The following IGLON5 variants were observed in gnomAD, a reference collection of about 807,000 sequenced individuals.
IGLON5 encodes the protein IgLON family member 5.
In IGLON5, 16 loss-of-function variants were observed where a neutral mutation model predicts 38.2. The observed-to-expected ratio is 0.42, with a 90% CI of 0.28 to 0.64. IGLON5 has a LOEUF of 0.64. Ranked by LOEUF, IGLON5 falls within the 30% of genes least tolerant of loss-of-function variation. The pLI, the probability that IGLON5 is intolerant of heterozygous loss-of-function variation, is 0.23. For missense variants in IGLON5, 366 were observed against 483.4 expected, an observed-to-expected ratio of 0.76 and a Z score of 2.28; for synonymous variants, 207 against 216.4, an observed-to-expected ratio of 0.96 and a Z score of 0.38.
rs369347668 is a variant in IGLON5 at position 51,322,017 on chromosome 19, G to A, written c.80-47G>A. On this transcript the variant is annotated intron_variant, in intron 1 of 7. Transcript: ENST00000270642. ...CATGTGTGCAGGTGCTACCATGCCC[G>A]GGCCTTGCCTGAGCTGCCAAGGCTG... The A allele has an allele frequency of 1.4e-5, 21 of 1,494,188 alleles. No homozygotes were observed. The African/African-American group carries it at 2.2e-4, about 16-fold the overall frequency. 92.6% of individuals were successfully genotyped at this position (1,494,188 alleles called of 1,614,324 possible).
intron 4 of IGLON5, 75 bp from the exon 5 acceptor site, chr19:51,326,689 C>G: frequency 1.4e-5 from 14 of 972,932 alleles, no homozygotes; most frequent in Non-Finnish European, 1.9e-5. Context: ...TGATGTGTGT[C>G]CGTGTTGTGC....
At chr19:51,326,550 A>C (rs1198224097) in intron 4 of IGLON5, among the ~76,000 whole-genome samples, 1 of 151,992 alleles carries the variant, frequency 6.6e-6, no homozygotes, top group African/African-American at 2.4e-5. Flanking sequence ...GGTTCCAGGA[A>C]CTGAGTCCCA....
chr19:51,317,959 G>T (rs1169905938), intron 1 of IGLON5, among the ~76,000 whole-genome samples: 1 of 152,272 alleles, frequency 6.6e-6, no homozygotes, highest in Middle Eastern at 3.4e-3. Flanking sequence ...TTATTATCTG[G>T]TCTCTGAGGA....
At chr19:51,326,331 A>G (rs1985214775) in intron 4 of IGLON5, among the ~76,000 whole-genome samples, 1 of 152,092 alleles carries the variant, frequency 6.6e-6, no homozygotes, top group Admixed American at 6.5e-5. Flanking sequence ...GCTGATCCCA[A>G]TCACCAGATC....
At chr19:51,316,718 T>C (rs1984935287) in intron 1 of IGLON5, among the ~76,000 whole-genome samples, 2 of 152,064 alleles carry the variant, frequency 1.3e-5, no homozygotes, top group Admixed American at 1.3e-4. Context: ...AGTCTCGAAC[T>C]CCTGACCTCA....
rs868680750 is a variant in IGLON5, at chr19:51,311,982, T to G, written c.79+56T>G. ...CCGGGACGCCAGGGTCTTGGGTGGG[T>G]AATCGGGGGATCAGGGGTGGGGGTC... On this transcript the variant is annotated intron_variant, in intron 1 of 7. Coordinates refer to ENST00000270642, the MANE Select transcript of IGLON5 (RefSeq NM_001101372.3). 163 of 999,844 alleles carry G rather than the reference T, an allele frequency of 1.6e-4. 1 individual carries two copies. The African/African-American group carries it at 2.5e-3, about 15-fold the overall frequency. 61.9% of individuals were successfully genotyped at this position (999,844 alleles called of 1,614,324 possible).
Position 51,329,093 on chromosome 19 carries a change from C to A in IGLON5, c.*334C>A. The stretch of plus-strand genomic sequence containing the variant: ...GTGTGGGTGTGTGAGTGTGAGCCTG[C>A]ATGCATGTGTAGGTGTCTGTGTCTC... On this transcript the variant is annotated 3_prime_UTR_variant, in exon 8 of 8. Transcript: ENST00000270642. The surrounding 1 kb of genome is among the most constrained non-coding windows in gnomAD (Gnocchi z 4.3). The A allele has an allele frequency of 6.8e-6, 1 of 148,012 alleles. No individual in the cohort carries two copies. The highest frequency in any genetic ancestry group is 2.1e-4 in the East Asian group (1 of 4,770). 9.2% of individuals were successfully genotyped at this position (148,012 alleles called of 1,614,324 possible). A position where few individuals can be genotyped will look rare whatever the true frequency, so the allele number is the denominator to read the frequency against.
At chr19:51,315,043 C>T (rs1984883557) in intron 1 of IGLON5, among the ~76,000 whole-genome samples, 1 of 152,174 alleles carries the variant, frequency 6.6e-6, no homozygotes, top group African/African-American at 2.4e-5. Flanking sequence ...CGGCCTTTTC[C>T]CACTTAACCA....
At chr19:51,319,637 T>C (rs1444835719) in intron 1 of IGLON5, among the ~76,000 whole-genome samples, 1 of 152,096 alleles carries the variant, frequency 6.6e-6, no homozygotes, top group Non-Finnish European at 1.5e-5. Flanking sequence ...GATGGAACCA[T>C]GTGGGAACTA....
chr19:51,316,478 T>TTTTTC (rs1282106625), intron 1 of IGLON5, among the ~76,000 whole-genome samples: 8 of 150,662 alleles, frequency 5.3e-5, no homozygotes, highest in South Asian at 2.1e-4. Flanking sequence ...TTTTTCTTTG[T>TTTTTC]TTTTCTTTTC....
At chr19:51,313,588 C>T (rs908242792) in intron 1 of IGLON5, among the ~76,000 whole-genome samples, 3 of 130,686 alleles carry the variant, frequency 2.3e-5, no homozygotes, top group Admixed American at 7.4e-5. Flanking sequence ...TTTCTCTTTC[C>T]TTCTTTCTCT....
intron 1 of IGLON5, 28 bp from the exon 2 acceptor site, chr19:51,322,036 A>C (rs1461660452): frequency 6.2e-7 from 1 of 1,606,698 alleles, no homozygotes; most frequent in Non-Finnish European, 8.5e-7. Context: ...CTGAGCTGCC[A>C]AGGCTGAGCC....
chr19:51,321,950 G>T, intron 1 of IGLON5, 114 bp from the exon 2 acceptor site: 2 of 836,522 alleles, frequency 2.4e-6, no homozygotes, highest in Non-Finnish European at 4.0e-6. Flanking sequence ...GTGTGGCAGC[G>T]GGTGCAGGAG....
rs1264674509 is a variant in IGLON5, at chr19:51,312,079, C to T, written c.79+153C>T. ...GGTCTGGGCCCGGGGGTGGGGTCTG[C>T]ATTCCCTGGCTGGGCAGGGGGACCT... is the stretch of plus-strand genomic sequence containing the variant. On this transcript the variant is annotated intron_variant, in intron 1 of 7. Coordinates refer to ENST00000270642, the MANE Select transcript of IGLON5 (RefSeq NM_001101372.3). 2.6e-5 allele frequency among the ~76,000 whole-genome samples: 4 copies of T among 151,808 alleles called. No homozygotes were observed. The East Asian group carries it at 7.8e-4, about 30-fold the overall frequency.
chr19:51,316,537 A>G (rs1161572009), intron 1 of IGLON5, among the ~76,000 whole-genome samples: 1 of 140,342 alleles, frequency 7.1e-6, no homozygotes, highest in Non-Finnish European at 1.5e-5. Context: ...TGTGTCACCC[A>G]GGCTGGAGTG....
intron 1 of IGLON5, among the ~76,000 whole-genome samples, chr19:51,312,374 G>T (rs995429891): frequency 6.6e-6 from 1 of 151,614 alleles, no homozygotes; most frequent in Non-Finnish European, 1.5e-5. Context: ...TCCCTGAAGA[G>T]GTCCTTGCCG....
At chr19:51,319,293 C>CTGTG (rs542048692) in intron 1 of IGLON5, among the ~76,000 whole-genome samples, 1 of 121,318 alleles carries the variant, frequency 8.2e-6, no homozygotes. Flanking sequence ...TTCCAATTCC[C>CTGTG]TGTGTGTGTG....
At chr19:51,323,286 G>A (rs1008810694) in intron 2 of IGLON5, among the ~76,000 whole-genome samples, 1 of 149,210 alleles carries the variant, frequency 6.7e-6, no homozygotes, top group Non-Finnish European at 1.5e-5. Flanking sequence ...GTGTGTGTGT[G>A]TGTCTCTGTC....
At chr19:51,326,588 T>C (rs1339556091) in intron 4 of IGLON5, among the ~76,000 whole-genome samples, 176 bp from the exon 5 acceptor site, 8 of 103,484 alleles carry the variant, frequency 7.7e-5, no homozygotes, top group Non-Finnish European at 1.4e-4. Flanking sequence ...CACCCCCAGC[T>C]GGAGAGATCC....
Sources: allele counts gnomAD v4.1 joint callset (sites outside exome capture counted in the v4.1 genomes callset), GRCh38; gene constraint gnomAD v4.1.1; non-coding constraint Gnocchi (gnomAD v3.1); transcripts MANE v1.5; gene names NCBI Gene and HGNC (gene_info 2026-07-23, HGNC 2026-07-21).